Variants in PVT1 observed in about 807,000 individuals in gnomAD.
PVT1 encodes the protein CXCR4/PVT1 fusion.
intron 2 of PVT1, among the ~76,000 whole-genome samples, chr8:127,822,665 G>C (rs1324016679): frequency 6.6e-6 from 1 of 152,208 alleles, no homozygotes; most frequent in East Asian, 1.9e-4. Flanking sequence ...TTCCCACTGA[G>C]GCAGGACTTG....
intron 3 of PVT1, among the ~76,000 whole-genome samples, chr8:127,930,781 A>G (rs1010206004): frequency 3.3e-5 from 5 of 152,096 alleles, no homozygotes; most frequent in African/African-American, 1.2e-4. Context: ...GAACCCCCTT[A>G]TAGCATATTT....
At chr8:128,041,633 C>CATGTGTGGTGAATGTGTGTGT (rs1813546722) in intron 4 of PVT1, among the ~76,000 whole-genome samples, 1 of 144,254 alleles carries the variant, frequency 6.9e-6, no homozygotes, top group African/African-American at 2.6e-5. Context: ...GTGTTGTGTG[C>CATGTGTGGTGAATGTGTGTGT]ATGTGTGGTG....
At chr8:127,927,707 A>G (rs1407483599) in intron 3 of PVT1, among the ~76,000 whole-genome samples, 3 of 152,214 alleles carry the variant, frequency 2.0e-5, no homozygotes, top group Admixed American at 6.5e-5. Context: ...GACTTTAGGC[A>G]ACTGACTGTA....
At chr8:127,875,807 C>T (rs1176951046) in intron 2 of PVT1, among the ~76,000 whole-genome samples, 1 of 152,202 alleles carries the variant, frequency 6.6e-6, no homozygotes, top group Non-Finnish European at 1.5e-5. Flanking sequence ...GTTTGGACCC[C>T]GCCTGTGCTC....
chr8:127,924,677 A>G (rs1440095448), intron 3 of PVT1, among the ~76,000 whole-genome samples: 1 of 151,714 alleles, frequency 6.6e-6, no homozygotes, highest in Non-Finnish European at 1.5e-5. Context: ...ACGCCCGACT[A>G]ATTTTTTGTA....
At position 128,005,247 on chromosome 8, in the gene PVT1, T is replaced by C. The variant is rs1275313580; in HGVS notation, n.912+15956T>C. Among the ~76,000 whole-genome samples, 7 of 152,288 alleles carry C rather than the reference T, an allele frequency of 4.6e-5. No individual in the cohort carries two copies. In the East Asian group the frequency reaches 1.2e-3, roughly 25 times the overall value. Reference sequence around the variant, plus strand: ...TTGTCTTAGACCAAGCTTGTGAGATTTTTTTGTTATTTGTTTTTGAAGCTC... The same window carrying C: ...TTGTCTTAGACCAAGCTTGTGAGATCTTTTTGTTATTTGTTTTTGAAGCTC... On this transcript the variant is annotated intron_variant and non_coding_transcript_variant, in intron 4 of 10. Coordinates refer to ENST00000651587, the Ensembl canonical transcript of PVT1.
intron 4 of PVT1, among the ~76,000 whole-genome samples, chr8:128,002,900 T>C (rs1027155664): frequency 6.6e-5 from 10 of 152,094 alleles, no homozygotes; most frequent in African/African-American, 2.2e-4. Context: ...CTTTTCTTTT[T>C]TTCTCTTCTT....
intron 3 of PVT1, among the ~76,000 whole-genome samples, chr8:127,982,997 C>T (rs999024314): frequency 3.3e-5 from 5 of 152,128 alleles, no homozygotes; most frequent in African/African-American, 7.2e-5. Context: ...CAGGGAGACA[C>T]GGGTCTGGGC....
chr8:127,870,588 A>G (rs575929500), intron 2 of PVT1, among the ~76,000 whole-genome samples: 10 of 152,324 alleles, frequency 6.6e-5, no homozygotes, highest in African/African-American at 1.9e-4. Flanking sequence ...ACTACTTGGT[A>G]AATATTTACT....
chr8:127,914,260 CAAAAAAAAAAAAAAAAAAAAAAA>C (rs60359946), intron 3 of PVT1, among the ~76,000 whole-genome samples: 26 of 47,862 alleles, frequency 5.4e-4, no homozygotes, highest in South Asian at 4.4e-3. Flanking sequence ...CCACCAACAG[CAAAAAAAAAAAAAAAAAAAAAAA>C]AAAAAAAAAA....
chr8:127,815,624 G>C (rs757559397), intron 2 of PVT1, among the ~76,000 whole-genome samples: 1 of 152,164 alleles, frequency 6.6e-6, no homozygotes, highest in Non-Finnish European at 1.5e-5. Flanking sequence ...GGGCATGGCA[G>C]AAATTCATCA....
chr8:128,095,399 G>A (rs763059056), intron 5 of PVT1, among the ~76,000 whole-genome samples: 5 of 152,146 alleles, frequency 3.3e-5, no homozygotes, highest in African/African-American at 4.8e-5. Context: ...GCCTGGCTGC[G>A]GGTGAGCACT....
At chr8:127,844,004 A>AC (rs1239312334) in intron 2 of PVT1, among the ~76,000 whole-genome samples, 2 of 151,126 alleles carry the variant, frequency 1.3e-5, no homozygotes, top group African/African-American at 4.9e-5. Flanking sequence ...TTTTTTTGAG[A>AC]CGGAGTCTTG....
At chr8:127,911,965 G>C (rs115674041) in intron 3 of PVT1, among the ~76,000 whole-genome samples, 1,627 of 152,308 alleles carry the variant, frequency 0.011, 22 homozygotes, top group African/African-American at 0.035. Context: ...AATGGGTGTG[G>C]CTCAGTGTGG....
chr8:127,970,526 T>C (rs1816754305), intron 3 of PVT1, among the ~76,000 whole-genome samples: 1 of 151,876 alleles, frequency 6.6e-6, no homozygotes, highest in Non-Finnish European at 1.5e-5. Flanking sequence ...GTCTTGATCT[T>C]CTGGCCTCGT....
chr8:127,959,533 C>T (rs1387905568), intron 3 of PVT1, among the ~76,000 whole-genome samples: 2 of 146,138 alleles, frequency 1.4e-5, no homozygotes, highest in African/African-American at 2.6e-5. Context: ...TGCAGTTAGC[C>T]GAGATGGCGC....
intron 5 of PVT1, among the ~76,000 whole-genome samples, chr8:128,086,918 T>A (rs1444659634): frequency 6.6e-6 from 1 of 152,252 alleles, no homozygotes; most frequent in Non-Finnish European, 1.5e-5. Flanking sequence ...GGAGTTAGAC[T>A]GAGTTTGACT....
chr8:127,968,688 C>T (rs753949636), intron 3 of PVT1, among the ~76,000 whole-genome samples: 1 of 152,174 alleles, frequency 6.6e-6, no homozygotes, highest in African/African-American at 2.4e-5. Context: ...TGCCCTTGAA[C>T]GTGACCTTAG....
intron 2 of PVT1, among the ~76,000 whole-genome samples, chr8:127,879,173 C>G (rs1459704270): frequency 6.6e-6 from 1 of 152,246 alleles, no homozygotes; most frequent in Non-Finnish European, 1.5e-5. Context: ...TATCCTATGG[C>G]TCTGCCTCCA....
Sources: allele counts gnomAD v4.1 joint callset (sites outside exome capture counted in the v4.1 genomes callset), GRCh38; gene constraint gnomAD v4.1.1; transcripts MANE v1.5; gene names NCBI Gene and HGNC (gene_info 2026-07-23, HGNC 2026-07-21).